Variants in CCL28 observed in about 807,000 individuals in gnomAD.
CCL28 encodes the protein C-C motif chemokine ligand 28.
Under a neutral mutation model 7.1 loss-of-function variants are expected in CCL28, and 4 were observed. That is an observed-to-expected ratio of 0.56 (90% CI 0.28 to 1.29). The LOEUF (loss-of-function observed/expected upper bound fraction) is 1.29, where lower values mean the gene tolerates loss of function less well. Among genes scored for constraint, CCL28 ranks in the 50% most tolerant of loss-of-function variants. The pLI is 0.11. For synonymous variants in CCL28, 55 were observed against 57.8 expected (o/e 0.95, Z 0.22); for missense variants, 151 against 163.4 (o/e 0.92, Z 0.41).
chr5:43,378,563 T>G (rs1288723642), downstream of CCL28, among the ~76,000 whole-genome samples: 1 of 152,216 alleles, frequency 6.6e-6, no homozygotes, highest in African/African-American at 2.4e-5. Context: ...CATGATATAG[T>G]AACAGTATTT....
At chr5:43,371,964 G>A (rs1181485930), downstream of CCL28, among the ~76,000 whole-genome samples, 1 of 152,216 alleles carries the variant, frequency 6.6e-6, no homozygotes, top group Non-Finnish European at 1.5e-5. Flanking sequence ...TAATGGTGGA[G>A]GGCAAAGGGG....
At chr5:43,376,553 G>A (rs1739891153), downstream of CCL28, 1 of 152,226 alleles carries the variant, frequency 6.6e-6, no homozygotes, top group Admixed American at 6.5e-5. Flanking sequence ...AAGTATAGCT[G>A]ATGTGACATA....
At chr5:43,375,458 T>TAAAAA (rs56289620), downstream of CCL28, among the ~76,000 whole-genome samples, 6 of 32,750 alleles carry the variant, frequency 1.8e-4, 1 homozygote, top group South Asian at 5.6e-3. Flanking sequence ...GACAGAAAGC[T>TAAAAA]AAAAAAAAAA....
At chr5:43,372,122 C>A (rs1739795845), downstream of CCL28, among the ~76,000 whole-genome samples, 1 of 152,196 alleles carries the variant, frequency 6.6e-6, no homozygotes, top group Non-Finnish European at 1.5e-5. Flanking sequence ...CATGAAGGAT[C>A]TGCCCTAATG....
downstream of CCL28, among the ~76,000 whole-genome samples, chr5:43,373,241 T>C (rs937877016): frequency 2.0e-5 from 3 of 152,194 alleles, no homozygotes; most frequent in East Asian, 5.8e-4. Flanking sequence ...TTTATTAATT[T>C]GCACCTCCTC....
the CCL28 span, among the ~76,000 whole-genome samples, chr5:43,371,357 G>A: frequency 2.0e-5 from 3 of 152,118 alleles, no homozygotes; most frequent in Non-Finnish European, 4.4e-5. Context: ...AGTGATCCTC[G>A]ACTTCTGGTG....
At chr5:43,406,505 A>G (rs1741287806) in intron 1 of CCL28, among the ~76,000 whole-genome samples, 1 of 152,220 alleles carries the variant, frequency 6.6e-6, no homozygotes, top group Non-Finnish European at 1.5e-5. Context: ...TCTCCAAATA[A>G]TCAGAGCTAT....
At chr5:43,372,957 C>T (rs1281287731), downstream of CCL28, among the ~76,000 whole-genome samples, 3 of 151,050 alleles carry the variant, frequency 2.0e-5, no homozygotes, top group Non-Finnish European at 3.0e-5. Context: ...CTCACCACCA[C>T]GCCCGGCTAA....
intron 1 of CCL28, among the ~76,000 whole-genome samples, chr5:43,397,677 ACGCCTCGAT>A (rs1156489478): frequency 7.2e-5 from 11 of 152,358 alleles, no homozygotes; most frequent in African/African-American, 2.6e-4. Context: ...CTGCATTTTC[ACGCCTCGAT>A]CATCTCTCTT....
chr5:43,377,983 CG>C (rs1739953539), downstream of CCL28, among the ~76,000 whole-genome samples: 1 of 132,452 alleles, frequency 7.5e-6, no homozygotes, highest in Admixed American at 7.0e-5. Context: ...CCGCCCGCCT[CG>C]GCCTCCCAAA....
intron 1 of CCL28, among the ~76,000 whole-genome samples, chr5:43,403,301 C>G (rs1432319571): frequency 6.6e-6 from 1 of 152,192 alleles, no homozygotes; most frequent in Non-Finnish European, 1.5e-5. Flanking sequence ...GGGTGACCCT[C>G]TGAGATGAAG....
chr5:43,388,585 G>A, intron 1 of CCL28, 109 bp from the exon 2 acceptor site: 2 of 1,044,376 alleles, frequency 1.9e-6, no homozygotes, highest in Non-Finnish European at 2.7e-6. Flanking sequence ...ACAAACAAGG[G>A]GCAAACATGG....
At chr5:43,371,851 C>G (rs994481023), downstream of CCL28, among the ~76,000 whole-genome samples, 4 of 152,152 alleles carry the variant, frequency 2.6e-5, no homozygotes. Flanking sequence ...ATAGCTGAGG[C>G]TGAGTAATTT....
chr5:43,367,464 C>T, the CCL28 span, among the ~76,000 whole-genome samples: 2 of 152,208 alleles, frequency 1.3e-5, no homozygotes, highest in Admixed American at 1.3e-4. Flanking sequence ...CAGTCCCTCA[C>T]GGCTTCCCTT....
At chr5:43,389,372 C>T (rs1234845463) in intron 1 of CCL28, among the ~76,000 whole-genome samples, 1 of 151,988 alleles carries the variant, frequency 6.6e-6, no homozygotes, top group Non-Finnish European at 1.5e-5. Context: ...GCTGTGCTGC[C>T]TAAGTCAAAC....
chr5:43,364,842 G>T, the CCL28 span, among the ~76,000 whole-genome samples: 5 of 151,872 alleles, frequency 3.3e-5, no homozygotes, highest in African/African-American at 9.7e-5. Context: ...ATCTTTGTTG[G>T]TTTAAAGTCT....
chr5:43,406,551 G>A (rs1284345893), intron 1 of CCL28, among the ~76,000 whole-genome samples: 1 of 152,152 alleles, frequency 6.6e-6, no homozygotes, highest in Non-Finnish European at 1.5e-5. Flanking sequence ...ATACGGAATG[G>A]GCAAAAACTG....
the CCL28 span, among the ~76,000 whole-genome samples, chr5:43,370,749 T>C: frequency 6.6e-6 from 1 of 151,626 alleles, no homozygotes. Context: ...TCTCTCTTTT[T>C]TTTTTTTTTT....
chr5:43,389,064 G>C (rs1479390514), intron 1 of CCL28, among the ~76,000 whole-genome samples: 1 of 152,124 alleles, frequency 6.6e-6, no homozygotes, highest in Non-Finnish European at 1.5e-5. Flanking sequence ...ATCCAGAATG[G>C]GCAAATCCAT....
Sources: allele counts gnomAD v4.1 joint callset (sites outside exome capture counted in the v4.1 genomes callset), GRCh38; gene constraint gnomAD v4.1.1; transcripts MANE v1.5; gene names NCBI Gene and HGNC (gene_info 2026-07-23, HGNC 2026-07-21).